The following EPHB3 variants were observed in gnomAD, a reference collection of about 807,000 sequenced individuals.
EPHB3 encodes ephrin type-B receptor 3.
In EPHB3, 33 loss-of-function variants were observed where a neutral mutation model predicts 100.2. The ratio of observed to expected loss-of-function variants is 0.33; its 90% CI spans 0.25 to 0.44. EPHB3 has a LOEUF of 0.44. EPHB3 is among the 20% of genes least tolerant of loss of function. The probability of loss-of-function intolerance (pLI) is 1.00; values close to 1 mark genes in which losing one functional copy is unlikely to be tolerated. For missense variants in EPHB3, 1,045 were observed against 1,378.3 expected, an observed-to-expected ratio of 0.76 and a Z score of 3.83; for synonymous variants, 526 against 554.7, an observed-to-expected ratio of 0.95 and a Z score of 0.73.
At position 184,577,277 on chromosome 3, in the gene EPHB3, GA is replaced by G; in HGVS notation, c.1355-64del. ...TAAGGGACCACTGGGGGTCCCATGG[GA>G]AGTGGGTCTTTGGGAAGGATGCCAG... On this transcript the variant is annotated intron_variant, in intron 5 of 15. Transcript: ENST00000330394. This position sits in a 1 kb window ranked among gnomAD's most constrained non-coding sequence, Gnocchi z 4.9. 7 of 1,592,834 alleles carry G rather than the reference GA, an allele frequency of 4.4e-6. No homozygotes were observed. Among genetic ancestry groups the G allele is most frequent in the Non-Finnish European group, 6.0e-6 (7 of 1,168,534 alleles).
chr3:184,577,220 C>G lies in EPHB3; in HGVS notation c.1354+37C>G, dbSNP rs7644069. 49 of 1,569,182 alleles carry G rather than the reference C, an allele frequency of 3.1e-5. No homozygotes were observed. The African/African-American group carries it at 3.2e-4, about 10-fold the overall frequency. On this transcript the variant is annotated intron_variant, in intron 5 of 15. Transcript: ENST00000330394. The surrounding 1 kb of genome is among the most constrained non-coding windows in gnomAD (Gnocchi z 4.9). ...ACACTGGAGGGTAGGGCCTGGGTCA[C>G]TTTCTCCTGGATGAGGTGTCCCAGG...
Position 184,564,892 on chromosome 3 carries a change from G to A in EPHB3, c.118+2539G>A, listed in dbSNP as rs559091831. 8.5e-5 allele frequency among the ~76,000 whole-genome samples: 13 copies of A among 152,224 alleles called. No homozygotes were observed. In the South Asian group the frequency reaches 2.7e-3, roughly 32 times the overall value. On this transcript the variant is annotated intron_variant, in intron 1 of 15. Transcript: ENST00000330394. ...CTTCAGCCCCTCCAGCTTGACAGGTGGGGGGTCTAGCTTTCTCCATCCAAC... is the reference window on the plus strand; with the variant it reads ...CTTCAGCCCCTCCAGCTTGACAGGTAGGGGGTCTAGCTTTCTCCATCCAAC...
Position 184,581,341 on chromosome 3 carries a change from C to T in EPHB3, c.2821C>T (p.Arg941Trp), listed in dbSNP as rs770886313. 7.5e-6 allele frequency: 12 copies of T among 1,609,998 alleles called. No individual in the cohort carries two copies. The highest frequency in any genetic ancestry group is 5.0e-5 in the Admixed American group (3 of 59,790). Residue 941 changes from arginine to tryptophan, a missense_variant, in exon 15 of 16, where the codon CGG becomes TGG. Around this residue, in one of 2 missense-constraint regions of EPHB3, gnomAD observed 985 missense variants for 1,331.1 expected, o/e 0.74. Transcript: ENST00000330394. The part of the protein sequence containing the change: ...GDWLDAIKMG[R>W]YKESFVSAGF... Reference sequence around the variant, plus strand: ...TTGGCTGGATGCCATCAAGATGGGGCGGTACAAGGAGAGCTTCGTCAGTGC... The same window carrying T: ...TTGGCTGGATGCCATCAAGATGGGGTGGTACAAGGAGAGCTTCGTCAGTGC...
Position 184,581,276 on chromosome 3 carries a change from G to A in EPHB3, c.2756G>A (p.Arg919His), listed in dbSNP as rs761956753. 1.4e-5 allele frequency: 22 copies of A among 1,598,954 alleles called. No homozygotes were observed. The highest frequency in any genetic ancestry group is 4.6e-5 in the South Asian group (4 of 87,812). Residue 919 changes from arginine to histidine, a missense_variant, in exon 15 of 16, where the codon CGC (arginine) becomes CAC (histidine). Arg to His is a conservative substitution (Grantham distance 29). Coordinates refer to ENST00000330394, the MANE Select transcript of EPHB3 (RefSeq NM_004443.4). The part of the protein sequence containing the change: ...QSGMSQPLLD[R>H]TVPDYTTFTT... The stretch of plus-strand genomic sequence containing the variant: ...AGCATGTCACAGCCCCTCCTGGACC[G>A]CACGGTCCCAGATTACACAACCTTC...
chr3:184,580,593 C>G lies in EPHB3; in HGVS notation c.2364C>G (p.Ser788=). The G allele has an allele frequency of 6.2e-7, 1 of 1,614,166 alleles. No individual in the cohort carries two copies. The highest frequency in any genetic ancestry group is 8.5e-7 in the Non-Finnish European group (1 of 1,180,012). Residue 788 remains serine, a synonymous_variant, in exon 12 of 16, where the codon TCC becomes TCG. Transcript: ENST00000330394. ...GLSRFLEDDP[S]DPTYTSSLGG... is the part of the protein sequence containing the mutation. ...CCCGCTTCCTGGAGGATGACCCCTC[C>G]GATCCTACCTACACCAGTTCCCTGG... is the stretch of plus-strand genomic sequence containing the variant.
rs146156277 is a variant in EPHB3, at chr3:184,571,028, T to C, written c.119-290T>C. 6.9e-3 allele frequency among the ~76,000 whole-genome samples: 1,045 copies of C among 151,630 alleles called. 10 individuals carry two copies. Among genetic ancestry groups the C allele is most frequent in the African/African-American group, 0.024 (986 of 41,338 alleles). ...TGGAGTGCAGTAGTGCAATCTCGGC[T>C]CACTGCAACCTCCGTCTCCCAGGTT... On this transcript the variant is annotated intron_variant, in intron 1 of 15. Coordinates refer to ENST00000330394, the MANE Select transcript of EPHB3 (RefSeq NM_004443.4). This position sits in a 1 kb window ranked among gnomAD's most constrained non-coding sequence, Gnocchi z 5.0.
chr3:184,575,255 C>T, intron 3 of EPHB3: 3 of 983,844 alleles, frequency 3.0e-6, no homozygotes, highest in Non-Finnish European at 3.6e-6. Context: ...CCCAGCCTTC[C>T]TGCCTGCTTT....
At position 184,581,128 on chromosome 3, in the gene EPHB3, G is replaced by C; in HGVS notation, c.2695G>C (p.Ala899Pro). The change falls in exon 14 of 16, where the codon GCT becomes CCT. Residue 899 changes from alanine (A) to proline (P), a missense_variant. Ala to Pro is a conservative substitution (Grantham distance 27). Coordinates refer to ENST00000330394, the MANE Select transcript of EPHB3 (RefSeq NM_004443.4). ...VNTLDKLIRN[A>P]ASLKVIASAQ... ...TACCCTGGACAAGCTCATCCGCAATGCTGCCAGCCTCAAGGTCATTGCCAG... is the reference window on the plus strand; with the variant it reads ...TACCCTGGACAAGCTCATCCGCAATCCTGCCAGCCTCAAGGTCATTGCCAG... The C allele has an allele frequency of 6.2e-7, 1 of 1,614,206 alleles. No individual in the cohort carries two copies.
At chr3:184,576,419 T>C (rs1264616659) in intron 4 of EPHB3, among the ~76,000 whole-genome samples, 2 of 152,210 alleles carry the variant, frequency 1.3e-5, no homozygotes, top group Non-Finnish European at 2.9e-5. Context: ...ACTTCCTCTC[T>C]GCCCTGGCCT....
In EPHB3 at chr3:184,581,275, C is replaced by T. The variant is rs776806796; in HGVS notation, c.2755C>T (p.Arg919Cys). 6 of 1,599,184 alleles carry T rather than the reference C, an allele frequency of 3.8e-6. No homozygotes were observed. In the Admixed American group the frequency reaches 5.1e-5, roughly 13 times the overall value. Residue 919 changes from arginine to cysteine, a missense_variant, in exon 15 of 16, where the codon CGC (arginine) becomes TGC (cysteine). Physicochemically the swap from Arg to Cys is radical, Grantham distance 180 (BLOSUM62 -3). Transcript: ENST00000330394. ...QSGMSQPLLD[R>C]TVPDYTTFTT... Reference sequence around the variant, plus strand: ...CAGCATGTCACAGCCCCTCCTGGACCGCACGGTCCCAGATTACACAACCTT... The same window carrying T: ...CAGCATGTCACAGCCCCTCCTGGACTGCACGGTCCCAGATTACACAACCTT...
At chr3:184,567,480 G>GTGT (rs1553779985) in intron 1 of EPHB3, among the ~76,000 whole-genome samples, 1 of 148,564 alleles carries the variant, frequency 6.7e-6, no homozygotes, top group African/African-American at 2.5e-5. Flanking sequence ...ATGCTTGCAG[G>GTGT]GTGTGTGTGT....
At position 184,577,735 on chromosome 3, in the gene EPHB3, T is replaced by C. The variant is rs1383331344; in HGVS notation, c.1557T>C (p.Tyr519=). 5 of 1,611,902 alleles carry C rather than the reference T, an allele frequency of 3.1e-6. No individual in the cohort carries two copies. Among genetic ancestry groups the C allele is most frequent in the Admixed American group, 3.3e-5 (2 of 59,930 alleles). The change falls in exon 7 of 16, where the codon TAT becomes TAC. Residue 519 remains tyrosine (Y), a synonymous_variant. Coordinates refer to ENST00000330394, the MANE Select transcript of EPHB3 (RefSeq NM_004443.4). The surrounding 1 kb of genome is among the most constrained non-coding windows in gnomAD (Gnocchi z 4.9). ...ACGGGCTTCGGCCTGACGCCCGCTATGTGGTCCAGGTCCGTGCCCGCACAG... is the reference window on the plus strand; with the variant it reads ...ACGGGCTTCGGCCTGACGCCCGCTACGTGGTCCAGGTCCGTGCCCGCACAG... The part of the protein sequence containing the change: ...QLDGLRPDAR[Y]VVQVRARTVA...
chr3:184,577,153 G>A lies in EPHB3; in HGVS notation c.1324G>A (p.Ala442Thr). The change falls in exon 5 of 16, where the codon GCG becomes ACG. Residue 442 changes from alanine to threonine, a missense_variant. Ala to Thr is a moderately conservative substitution (Grantham distance 58). Transcript: ENST00000330394. This position sits in a 1 kb window ranked among gnomAD's most constrained non-coding sequence, Gnocchi z 4.9. ...CAAGAGCCCTCTGCCGCCTCGTTAT[G>A]CGGCCGTGAATATCACCACAAACCA... ...SGKSPLPPRYAAVNITTNQAA... is the reference protein window; with the variant it reads ...SGKSPLPPRYTAVNITTNQAA... The A allele has an allele frequency of 1.2e-6, 2 of 1,607,238 alleles. No homozygotes were observed. The highest frequency in any genetic ancestry group is 1.7e-6 in the Non-Finnish European group (2 of 1,175,608).
In EPHB3 at chr3:184,573,092, G is replaced by A. The variant is rs752741261; in HGVS notation, c.772G>A (p.Gly258Ser). 3.1e-6 allele frequency: 5 copies of A among 1,613,136 alleles called. No individual in the cohort carries two copies. The highest frequency in any genetic ancestry group is 1.7e-5 in the Admixed American group (1 of 60,032). ...GGTGCCACTCAAGCTCTACTGCAACGGCGATGGGGAGTGGATGGTGCCTGT... is the reference window on the plus strand; with the variant it reads ...GGTGCCACTCAAGCTCTACTGCAACAGCGATGGGGAGTGGATGGTGCCTGT... ...VSVPLKLYCN[G>S]DGEWMVPVGA... Residue 258 changes from glycine to serine, a missense_variant, in exon 3 of 16, where the codon GGC (glycine) becomes AGC (serine). Physicochemically the swap from Gly to Ser is moderately conservative, Grantham distance 56. Around this residue, in one of 2 missense-constraint regions of EPHB3, gnomAD observed 985 missense variants for 1,331.1 expected, o/e 0.74. Transcript: ENST00000330394. The surrounding 1 kb of genome is among the most constrained non-coding windows in gnomAD (Gnocchi z 4.5).
Position 184,577,480 on chromosome 3 carries a change from A to C in EPHB3, c.1479+13A>C. On this transcript the variant is annotated intron_variant, in intron 6 of 15. Transcript: ENST00000330394. This position sits in a 1 kb window ranked among gnomAD's most constrained non-coding sequence, Gnocchi z 4.9. The stretch of plus-strand genomic sequence containing the variant: ...GTACTTTGAGAAGGTCAGAACCTCA[A>C]GGGGCAGGAGGAGGCCTTGGGCTGA... 17 of 1,613,718 alleles carry C rather than the reference A, an allele frequency of 1.1e-5. No individual in the cohort carries two copies. The highest frequency in any genetic ancestry group is 1.4e-5 in the Non-Finnish European group (16 of 1,179,854).
Position 184,562,438 on chromosome 3 carries a change from T to A in EPHB3, c.118+85T>A, listed in dbSNP as rs1040472596. On this transcript the variant is annotated intron_variant, in intron 1 of 15. Transcript: ENST00000330394. This position sits in a 1 kb window ranked among gnomAD's most constrained non-coding sequence, Gnocchi z 4.8. ...CTAGCAGCGTGGGTCCGACCCGGATTGAGCGCACGTCGGAGGAGGCCCCGC... is the reference window on the plus strand; with the variant it reads ...CTAGCAGCGTGGGTCCGACCCGGATAGAGCGCACGTCGGAGGAGGCCCCGC... The A allele has an allele frequency of 1.2e-5, 14 of 1,127,526 alleles. No homozygotes were observed. The highest frequency in any genetic ancestry group is 1.7e-5 in the African/African-American group (1 of 59,910). 69.8% of individuals were successfully genotyped at this position (1,127,526 alleles called of 1,614,324 possible).
Position 184,573,785 on chromosome 3 carries a change from T to C in EPHB3, c.856+609T>C, listed in dbSNP as rs1714602138. ...TAGGCTGGAGTGCAATGGCGCGATC[T>C]TGGCTTGCTGCAACCTCCACCTCCC... On this transcript the variant is annotated intron_variant, in intron 3 of 15. Transcript: ENST00000330394. The surrounding 1 kb of genome is among the most constrained non-coding windows in gnomAD (Gnocchi z 4.5). Among the ~76,000 whole-genome samples, 1 of 151,808 alleles carries C rather than the reference T, an allele frequency of 6.6e-6. No homozygotes were observed. Among genetic ancestry groups the C allele is most frequent in the Admixed American group, 6.6e-5 (1 of 15,250 alleles).
rs1454696781 is a variant in EPHB3 at position 184,582,277 on chromosome 3, T to TGTGC, written c.*656_*657insTGCG. The TGTGC allele has an allele frequency of 5.0e-5, 3 of 60,212 alleles. No homozygotes were observed. Among genetic ancestry groups the TGTGC allele is most frequent in the African/African-American group, 1.2e-4 (1 of 8,446 alleles). The allele number at this position is 60,212 out of a possible 1,614,324, so 3.7% of individuals were successfully genotyped here. ...GAGTGTGTGTGTGTGTGTGTGTGTG[T>TGTGC]GCGCGCGCGCGCGCGTGTGTGTGTG... On this transcript the variant is annotated 3_prime_UTR_variant, in exon 16 of 16. Coordinates refer to ENST00000330394, the MANE Select transcript of EPHB3 (RefSeq NM_004443.4).
At position 184,577,488 on chromosome 3, in the gene EPHB3, G is replaced by A. The variant is rs1714707134; in HGVS notation, c.1479+21G>A. The A allele has an allele frequency of 3.7e-6, 6 of 1,613,670 alleles. No individual in the cohort carries two copies. In the South Asian group the frequency reaches 6.6e-5, roughly 18 times the overall value. Reference sequence around the variant, plus strand: ...AGAAGGTCAGAACCTCAAGGGGCAGGAGGAGGCCTTGGGCTGAGCTGGGCT... The same window carrying A: ...AGAAGGTCAGAACCTCAAGGGGCAGAAGGAGGCCTTGGGCTGAGCTGGGCT... On this transcript the variant is annotated intron_variant, in intron 6 of 15. Coordinates refer to ENST00000330394, the MANE Select transcript of EPHB3 (RefSeq NM_004443.4). This position sits in a 1 kb window ranked among gnomAD's most constrained non-coding sequence, Gnocchi z 4.9.
Sources: allele counts gnomAD v4.1 joint callset (sites outside exome capture counted in the v4.1 genomes callset), GRCh38; gene constraint gnomAD v4.1.1; regional missense constraint gnomAD v4.1.1; non-coding constraint Gnocchi (gnomAD v3.1); transcripts MANE v1.5; gene names NCBI Gene and HGNC (gene_info 2026-07-23, HGNC 2026-07-21).